TRDN: variants seen among roughly 807,000 people sequenced by gnomAD.
TRDN encodes triadin in skeletal muscle.
TRDN carries 161 observed loss-of-function variants against 149.7 expected under a neutral mutation model. The ratio of observed to expected loss-of-function variants is 1.08; its 90% confidence interval spans 0.95 to 1.23. The LOEUF is 1.23. Among genes scored for constraint, TRDN ranks in the 50% most tolerant of loss-of-function variants. The pLI is 0.00. For missense variants in TRDN, 896 were observed against 823.5 expected (o/e 1.09, Z -1.08); for synonymous variants, 294 against 250.5 (o/e 1.17, Z -1.64).
chr6:123,339,823 A>C (rs1039054545), intron 21 of TRDN, among the ~76,000 whole-genome samples: 3 of 152,194 alleles, frequency 2.0e-5, no homozygotes, highest in African/African-American at 7.2e-5. Context: ...CCAATCTCAT[A>C]TAATTTGTCT....
chr6:123,624,550 G>T (rs1317856134), intron 1 of TRDN, among the ~76,000 whole-genome samples: 2 of 152,070 alleles, frequency 1.3e-5, no homozygotes, highest in Non-Finnish European at 2.9e-5. Flanking sequence ...ATTTTCAGAG[G>T]CTTGGTCTAT....
At chr6:123,631,580 CTG>C (rs1786010108) in intron 1 of TRDN, among the ~76,000 whole-genome samples, 1 of 152,052 alleles carries the variant, frequency 6.6e-6, no homozygotes, top group Non-Finnish European at 1.5e-5. Context: ...ACAACAGACA[CTG>C]TTCAATTTAG....
intron 20 of TRDN, among the ~76,000 whole-genome samples, chr6:123,361,232 A>T (rs922996066): frequency 3.3e-5 from 5 of 152,184 alleles, no homozygotes; most frequent in Admixed American, 6.5e-5. Context: ...TGTCCTTTGC[A>T]GGGACATGGA....
chr6:123,387,863 A>G (rs1162045206), intron 14 of TRDN, among the ~76,000 whole-genome samples: 1 of 152,124 alleles, frequency 6.6e-6, no homozygotes, highest in African/African-American at 2.4e-5. Flanking sequence ...ATGTCAGGGG[A>G]AAAAGAAAAA....
intron 12 of TRDN, among the ~76,000 whole-genome samples, chr6:123,416,702 T>TTTC (rs1466222512): frequency 6.6e-6 from 1 of 151,560 alleles, no homozygotes; most frequent in African/African-American, 2.4e-5. Flanking sequence ...TTTCCTCTTT[T>TTTC]TTTCTTTTTT....
chr6:123,525,897 C>T (rs1583189958), intron 5 of TRDN, among the ~76,000 whole-genome samples: 1 of 151,934 alleles, frequency 6.6e-6, no homozygotes, highest in African/African-American at 2.4e-5. Flanking sequence ...CAAATAATGG[C>T]CCTCTAAAGT....
At chr6:123,542,658 G>A (rs1283691458) in intron 4 of TRDN, among the ~76,000 whole-genome samples, 1 of 152,110 alleles carries the variant, frequency 6.6e-6, no homozygotes, top group Non-Finnish European at 1.5e-5. Flanking sequence ...GCACTTAAAA[G>A]TGTTAATACC....
chr6:123,524,819 G>T (rs568584096), intron 5 of TRDN, among the ~76,000 whole-genome samples: 1 of 152,082 alleles, frequency 6.6e-6, no homozygotes, highest in Non-Finnish European at 1.5e-5. Context: ...TTGCTATGCT[G>T]ATACCTGAAG....
intron 23 of TRDN, 127 bp from the exon 24 acceptor site, chr6:123,316,622 A>G (rs1415882892): frequency 1.4e-6 from 1 of 689,752 alleles, no homozygotes; most frequent in Non-Finnish European, 2.4e-6. Flanking sequence ...TTCAATTTCA[A>G]TTATAGTTAT....
At chr6:123,559,902 G>C (rs9375265) in intron 2 of TRDN, among the ~76,000 whole-genome samples, 61,671 of 151,788 alleles carry the variant, frequency 0.41, 14,029 homozygotes, top group East Asian at 0.85. Flanking sequence ...CTATTCCTTT[G>C]CACCCTTCAT....
At position 123,278,336 on chromosome 6, in the gene TRDN, T is replaced by C. The variant is rs2114626106; in HGVS notation, c.1549A>G (p.Lys517Glu). 1 of 1,292,088 alleles carries C rather than the reference T, an allele frequency of 7.7e-7. No homozygotes were observed. Among genetic ancestry groups the C allele is most frequent in the Non-Finnish European group, 1.0e-6 (1 of 955,934 alleles). The allele number at this position is 1,292,088 out of a possible 1,614,324, so 80.0% of individuals were successfully genotyped here. The change falls in exon 26 of 41, where the codon AAA becomes GAA. Residue 517 changes from lysine (K) to glutamate (E), a missense_variant. Physicochemically the swap from Lys to Glu is moderately conservative, Grantham distance 56 (BLOSUM62 1). Transcript: ENST00000334268. The part of the protein sequence containing the change: ...VKPKPPQLQG[K>E]KEEKPEPQIK... ...TACATACCTGGCTTCTCTTCCTTTT[T>C]TCCTTGTAGTTCTAAAAATATAGAT...
At chr6:123,519,857 T>G (rs1388202512) in intron 5 of TRDN, among the ~76,000 whole-genome samples, 1 of 152,264 alleles carries the variant, frequency 6.6e-6, no homozygotes, top group African/African-American at 2.4e-5. Context: ...TTCCTCTCAT[T>G]TTCACATTTC....
intron 15 of TRDN, 23 bp downstream of exon 15, chr6:123,382,094 GA>G: frequency 3.4e-6 from 5 of 1,462,482 alleles, no homozygotes; most frequent in Admixed American, 2.7e-5. Flanking sequence ...ACATAAGGCA[GA>G]AAAAAAGAAA....
chr6:123,268,217 A>G (rs778336693), intron 31 of TRDN, among the ~76,000 whole-genome samples: 5 of 152,020 alleles, frequency 3.3e-5, no homozygotes, highest in Admixed American at 1.3e-4. Flanking sequence ...CTTATTGAAA[A>G]TTTAAACTAA....
chr6:123,272,970 T>C lies in TRDN; in HGVS notation c.1666A>G (p.Lys556Glu). Residue 556 changes from lysine to glutamate, a missense_variant, in exon 29 of 41, where the codon AAA becomes GAA. Physicochemically the swap from Lys to Glu is moderately conservative, Grantham distance 56. Coordinates refer to ENST00000334268, the MANE Select transcript of TRDN (RefSeq NM_006073.4). ...AATACCACCTGCAAAATACCTGGTT[T>C]ACCATGAGAAACAGTCTTTTCTGGT... ...VKPEKTVSHG[K>E]PEEKVLKQVK... The C allele has an allele frequency of 6.5e-7, 1 of 1,530,818 alleles. No homozygotes were observed. The highest frequency in any genetic ancestry group is 8.8e-7 in the Non-Finnish European group (1 of 1,138,812). The allele number at this position is 1,530,818 out of a possible 1,614,324, so 94.8% of individuals were successfully genotyped here. A position where few individuals can be genotyped will look rare whatever the true frequency, so the allele number is the denominator to read the frequency against.
At chr6:123,528,911 G>A in intron 5 of TRDN, 1 of 1,070,486 alleles carries the variant, frequency 9.3e-7, no homozygotes, top group Non-Finnish European at 1.1e-6. Context: ...AACATATTTG[G>A]TCTACTCAAG....
chr6:123,406,253 T>A (rs1773185240), intron 12 of TRDN, among the ~76,000 whole-genome samples: 1 of 152,154 alleles, frequency 6.6e-6, no homozygotes, highest in African/African-American at 2.4e-5. Context: ...TATACCACAT[T>A]AAATTCAGAA....
At chr6:123,298,364 A>G (rs1005734459) in intron 24 of TRDN, among the ~76,000 whole-genome samples, 1 of 151,918 alleles carries the variant, frequency 6.6e-6, no homozygotes, top group African/African-American at 2.4e-5. Context: ...TTTTTGCTAC[A>G]TTTCAACATA....
chr6:123,502,370 T>A (rs1373734209), intron 8 of TRDN: 1 of 704,964 alleles, frequency 1.4e-6, no homozygotes, highest in African/African-American at 1.9e-5. Flanking sequence ...ACCTTGAAAA[T>A]TGGAAAAAGT....
Sources: gnomAD v4.1 joint callset for allele counts (sites outside exome capture counted in the v4.1 genomes callset) on GRCh38, gnomAD v4.1.1 for gene constraint, MANE v1.5 for transcripts, NCBI Gene and HGNC (gene_info 2026-07-23, HGNC 2026-07-21) for gene names.